GRIK2: variants seen among roughly 807,000 people sequenced by gnomAD.
The protein encoded by GRIK2 is glutamate ionotropic receptor kainate type subunit 2.
Under a neutral mutation model 100.3 loss-of-function variants are expected in GRIK2, and 32 were observed. The ratio of observed to expected loss-of-function variants is 0.32; its 90% CI spans 0.24 to 0.43. GRIK2 has a LOEUF of 0.43. Ranked by LOEUF, GRIK2 falls within the 20% of genes least tolerant of loss-of-function variation. The pLI, the probability that GRIK2 is intolerant of heterozygous loss-of-function variation, is 1.00. For missense variants in GRIK2, 843 were observed against 1,114.9 expected, an observed-to-expected ratio of 0.76 and a Z score of 3.47; for synonymous variants, 417 against 389.4, an observed-to-expected ratio of 1.07 and a Z score of -0.83.
intron 2 of GRIK2, among the ~76,000 whole-genome samples, chr6:101,471,973 T>C (rs1004130987): frequency 1.4e-5 from 2 of 145,602 alleles, no homozygotes; most frequent in African/African-American, 4.9e-5. Context: ...TTTTCTTCAT[T>C]AAAGAATGAT....
chr6:101,814,144 A>AT (rs1781496797), intron 9 of GRIK2, among the ~76,000 whole-genome samples: 1 of 152,148 alleles, frequency 6.6e-6, no homozygotes, highest in Admixed American at 6.6e-5. Context: ...ACTTAAATGT[A>AT]TTTTATCTCC....
intron 13 of GRIK2, chr6:101,928,145 T>C (rs1474985771): frequency 1.5e-5 from 6 of 413,124 alleles, no homozygotes; most frequent in Non-Finnish European, 2.6e-5. Flanking sequence ...TGTTTACTCA[T>C]TAATATTTTA....
chr6:102,061,656 CTCTAT>C (rs1582807937), intron 16 of GRIK2, among the ~76,000 whole-genome samples: 1 of 150,342 alleles, frequency 6.7e-6, no homozygotes, highest in Non-Finnish European at 1.5e-5. Flanking sequence ...TACTTAGCCT[CTCTAT>C]TCTTCTTTTT....
intron 2 of GRIK2, among the ~76,000 whole-genome samples, chr6:101,413,392 T>G (rs1439482057): frequency 6.6e-6 from 1 of 152,120 alleles, no homozygotes; most frequent in Non-Finnish European, 1.5e-5. Flanking sequence ...TCCTATTAAC[T>G]CTTTCAATTT....
chr6:101,422,880 A>T (rs1202274870), intron 2 of GRIK2, among the ~76,000 whole-genome samples: 1 of 152,140 alleles, frequency 6.6e-6, no homozygotes, highest in Non-Finnish European at 1.5e-5. Flanking sequence ...CTCTGTGTGG[A>T]GTTCTGTATA....
chr6:102,040,385 G>T (rs931963085), intron 15 of GRIK2, among the ~76,000 whole-genome samples: 1 of 151,412 alleles, frequency 6.6e-6, no homozygotes, highest in Non-Finnish European at 1.5e-5. Context: ...AAAAGCAGTA[G>T]TACCATTAAT....
chr6:101,738,099 G>T (rs1189011748), intron 7 of GRIK2, among the ~76,000 whole-genome samples: 1 of 151,532 alleles, frequency 6.6e-6, no homozygotes, highest in African/African-American at 2.4e-5. Context: ...ACCATTGTGA[G>T]GAATAATTAG....
At chr6:101,646,874 C>T (rs1205943389) in intron 4 of GRIK2, among the ~76,000 whole-genome samples, 1 of 151,844 alleles carries the variant, frequency 6.6e-6, no homozygotes, top group Non-Finnish European at 1.5e-5. Context: ...GAAATTACCT[C>T]ATTACTATGA....
chr6:101,927,642 A>T (rs183400604), intron 13 of GRIK2: 6 of 152,102 alleles, frequency 3.9e-5, no homozygotes, highest in African/African-American at 1.4e-4. Flanking sequence ...AAAGTAAAAT[A>T]TAATTCTCAG....
chr6:101,398,729 G>A (rs1301133794), intron 1 of GRIK2: 1 of 324,950 alleles, frequency 3.1e-6, no homozygotes, highest in Admixed American at 4.9e-5. Context: ...ACTCAAGGCG[G>A]GCTGTCAGAT....
At chr6:101,967,469 T>C (rs1792759741) in intron 14 of GRIK2, among the ~76,000 whole-genome samples, 2 of 152,098 alleles carry the variant, frequency 1.3e-5, no homozygotes, top group Admixed American at 1.3e-4. Flanking sequence ...TAACAGTGAT[T>C]CTTTAGCTTA....
intron 2 of GRIK2, among the ~76,000 whole-genome samples, chr6:101,438,202 T>C (rs985042418): frequency 5.3e-5 from 8 of 152,120 alleles, no homozygotes; most frequent in Admixed American, 2.0e-4. Context: ...AGTAAGTGAT[T>C]AGGGAAGATA....
At chr6:101,418,338 C>T (rs1309367117) in intron 2 of GRIK2, among the ~76,000 whole-genome samples, 2 of 152,048 alleles carry the variant, frequency 1.3e-5, no homozygotes, top group African/African-American at 4.8e-5. Flanking sequence ...TAAAAGTGTC[C>T]ATTTTTATTA....
chr6:101,793,535 C>A (rs561719639), intron 7 of GRIK2, among the ~76,000 whole-genome samples: 1 of 152,024 alleles, frequency 6.6e-6, no homozygotes, highest in African/African-American at 2.4e-5. Flanking sequence ...TTTCTTGTAC[C>A]GCGAATGCTG....
chr6:101,880,428 G>A (rs560681982), intron 11 of GRIK2, among the ~76,000 whole-genome samples: 1 of 151,898 alleles, frequency 6.6e-6, no homozygotes, highest in East Asian at 1.9e-4. Context: ...AGTTTCTCTG[G>A]GTATTTCTTG....
intron 4 of GRIK2, 113 bp downstream of exon 4, chr6:101,626,750 C>T (rs1221459238): frequency 5.7e-6 from 5 of 870,524 alleles, no homozygotes; most frequent in Non-Finnish European, 8.8e-6. Flanking sequence ...TTTGAAAATT[C>T]AGCTAAGGGG....
At chr6:101,674,987 A>G (rs1770720936) in intron 4 of GRIK2, among the ~76,000 whole-genome samples, 2 of 152,204 alleles carry the variant, frequency 1.3e-5, no homozygotes, top group South Asian at 4.1e-4. Flanking sequence ...AGTAATTAGC[A>G]TATCCATTAC....
intron 14 of GRIK2, among the ~76,000 whole-genome samples, chr6:101,981,850 T>G (rs1375046959): frequency 1.3e-5 from 2 of 151,880 alleles, no homozygotes; most frequent in Non-Finnish European, 2.9e-5. Flanking sequence ...GATGAGAAAG[T>G]ACAATTCTCT....
chr6:101,638,601 T>C (rs1781132424), intron 4 of GRIK2, among the ~76,000 whole-genome samples: 1 of 152,056 alleles, frequency 6.6e-6, no homozygotes, highest in Non-Finnish European at 1.5e-5. Context: ...AATTTTGAGC[T>C]AAAGGAGCCA....
Sources: allele counts gnomAD v4.1 joint callset (sites outside exome capture counted in the v4.1 genomes callset), GRCh38; gene constraint gnomAD v4.1.1; transcripts MANE v1.5; gene names NCBI Gene and HGNC (gene_info 2026-07-23, HGNC 2026-07-21).